The following SIMC1 variants were observed in gnomAD, a reference collection of about 807,000 sequenced individuals.
The protein encoded by SIMC1 is SUMO interacting motifs containing 1, also known as SUMO-interacting motif-containing protein 1.
Under a neutral mutation model 82.3 loss-of-function variants are expected in SIMC1, and 55 were observed. The observed-to-expected ratio is 0.67, with a 90% CI of 0.54 to 0.84. The LOEUF (loss-of-function observed/expected upper bound fraction) is 0.84. SIMC1 is among the 40% of genes least tolerant of loss of function. SIMC1 has a pLI of 0.00. For synonymous variants in SIMC1, 353 were observed against 426.3 expected, an observed-to-expected ratio of 0.83 and a Z score of 2.12; for missense variants, 915 against 1,107.2, an observed-to-expected ratio of 0.83 and a Z score of 2.46.
At chr5:176,321,560 G>A (rs1414148716) in intron 5 of SIMC1, among the ~76,000 whole-genome samples, 1 of 152,046 alleles carries the variant, frequency 6.6e-6, no homozygotes. Flanking sequence ...ACAAAATTCG[G>A]TGTGTATATT....
At chr5:176,304,089 CAG>C (rs1167254862) in intron 4 of SIMC1, among the ~76,000 whole-genome samples, 1 of 152,130 alleles carries the variant, frequency 6.6e-6, no homozygotes, top group Non-Finnish European at 1.5e-5. Context: ...TGTGCATCAA[CAG>C]AGTGAGCAAT....
chr5:176,331,012 C>A (rs960748547), intron 7 of SIMC1, among the ~76,000 whole-genome samples: 8 of 152,110 alleles, frequency 5.3e-5, no homozygotes, highest in African/African-American at 1.9e-4. Flanking sequence ...TTTTTCAGTA[C>A]TGCCAAAAAT....
chr5:176,291,271 C>A (rs1763552285), intron 2 of SIMC1, among the ~76,000 whole-genome samples: 1 of 141,960 alleles, frequency 7.0e-6, no homozygotes, highest in Admixed American at 7.6e-5. Flanking sequence ...TCAAGAGTTT[C>A]TTCTACCTCA....
intron 2 of SIMC1, among the ~76,000 whole-genome samples, chr5:176,291,743 G>T (rs1763585261): frequency 6.6e-6 from 1 of 152,214 alleles, no homozygotes; most frequent in Non-Finnish European, 1.5e-5. Flanking sequence ...CTCCCAAAGT[G>T]CTGGGATTAC....
At chr5:176,299,247 A>G (rs1440278706) in intron 4 of SIMC1, among the ~76,000 whole-genome samples, 2 of 152,186 alleles carry the variant, frequency 1.3e-5, no homozygotes, top group Non-Finnish European at 2.9e-5. Flanking sequence ...TTTTTTACTT[A>G]GTAGGCATAG....
intron 1 of SIMC1, among the ~76,000 whole-genome samples, chr5:176,271,058 C>G (rs538900742): frequency 6.6e-6 from 1 of 151,980 alleles, no homozygotes; most frequent in African/African-American, 2.4e-5. Flanking sequence ...CTCACAGCAC[C>G]GGGAGGAGAG....
intron 1 of SIMC1, among the ~76,000 whole-genome samples, chr5:176,288,180 G>A (rs936659975): frequency 1.3e-5 from 2 of 152,196 alleles, no homozygotes; most frequent in African/African-American, 4.8e-5. Flanking sequence ...GGCCAAAGCC[G>A]GGGAATCACC....
chr5:176,292,338 C>A (rs73805774), intron 2 of SIMC1, among the ~76,000 whole-genome samples: 1 of 152,082 alleles, frequency 6.6e-6, no homozygotes, highest in East Asian at 1.9e-4. Flanking sequence ...ACATCCCATC[C>A]CCCATATTAA....
At chr5:176,303,036 T>C (rs1293516816) in intron 4 of SIMC1, among the ~76,000 whole-genome samples, 1 of 152,142 alleles carries the variant, frequency 6.6e-6, no homozygotes. Flanking sequence ...TTCTTTTTTT[T>C]TGTAGAAATA....
chr5:176,284,026 A>G (rs1763141760), intron 1 of SIMC1, among the ~76,000 whole-genome samples: 1 of 152,224 alleles, frequency 6.6e-6, no homozygotes, highest in African/African-American at 2.4e-5. Flanking sequence ...TTCATAAAGC[A>G]AGTCCTTAGA....
intron 6 of SIMC1, among the ~76,000 whole-genome samples, chr5:176,323,382 G>A (rs1197581753): frequency 6.6e-6 from 1 of 152,096 alleles, no homozygotes; most frequent in African/African-American, 2.4e-5. Context: ...CATGTTAGTA[G>A]AAATAACAAT....
At chr5:176,321,868 G>GTTGA (rs1050030079) in intron 5 of SIMC1, among the ~76,000 whole-genome samples, 1 of 135,014 alleles carries the variant, frequency 7.4e-6, no homozygotes, top group African/African-American at 2.7e-5. Flanking sequence ...AAAGAAAAAT[G>GTTGA]TTGATATTTT....
intron 1 of SIMC1, among the ~76,000 whole-genome samples, chr5:176,269,293 G>A (rs557537799): frequency 1.7e-4 from 26 of 152,002 alleles, no homozygotes; most frequent in African/African-American, 5.8e-4. Context: ...GATTGATCAG[G>A]GATTTAAAAA....
At chr5:176,274,310 G>A (rs1762584192) in intron 1 of SIMC1, among the ~76,000 whole-genome samples, 1 of 146,860 alleles carries the variant, frequency 6.8e-6, no homozygotes, top group African/African-American at 2.5e-5. Context: ...CTTCTTTTGA[G>A]AAGTGTCTGT....
intron 1 of SIMC1, among the ~76,000 whole-genome samples, chr5:176,283,103 G>A (rs950814859): frequency 2.6e-5 from 4 of 152,202 alleles, no homozygotes; most frequent in African/African-American, 7.2e-5. Flanking sequence ...ACACTCTTCA[G>A]GATATCATCC....
At chr5:176,321,913 T>C (rs1765178958) in intron 5 of SIMC1, among the ~76,000 whole-genome samples, 1 of 99,784 alleles carries the variant, frequency 1.0e-5, no homozygotes. Context: ...TTTTGTAGAG[T>C]TGGGTTCTTG....
intron 5 of SIMC1, among the ~76,000 whole-genome samples, chr5:176,321,558 C>T (rs925223262): frequency 4.6e-5 from 7 of 151,950 alleles, no homozygotes; most frequent in South Asian, 2.1e-4. Context: ...AAACAAAATT[C>T]GGTGTGTATA....
At chr5:176,300,515 T>G (rs1172868635) in intron 4 of SIMC1, among the ~76,000 whole-genome samples, 1 of 150,456 alleles carries the variant, frequency 6.6e-6, no homozygotes, top group Non-Finnish European at 1.5e-5. Context: ...GAGGTGGGAA[T>G]CTAGCTAAGT....
intron 4 of SIMC1, among the ~76,000 whole-genome samples, chr5:176,303,325 ATTTTT>A (rs374155075): frequency 8.1e-6 from 1 of 123,180 alleles, no homozygotes; most frequent in Non-Finnish European, 1.6e-5. Context: ...AGCCAAAGCA[ATTTTT>A]TTTTTTTTTT....
Sources: gnomAD v4.1 joint callset for allele counts (sites outside exome capture counted in the v4.1 genomes callset) on GRCh38, gnomAD v4.1.1 for gene constraint, MANE v1.5 for transcripts, NCBI Gene and HGNC (gene_info 2026-07-23, HGNC 2026-07-21) for gene names.